DCHS2: variants seen among roughly 807,000 people sequenced by gnomAD.
DCHS2 encodes dachsous cadherin-related 2.
In DCHS2, 142 loss-of-function variants were observed where a neutral mutation model predicts 182.4. The observed-to-expected ratio is 0.78, with a 90% confidence interval of 0.68 to 0.89. The LOEUF is 0.89. Among genes scored for constraint, DCHS2 ranks in the 40% least tolerant of loss-of-function variants. The pLI is 0.00. For synonymous variants in DCHS2, 1,740 were observed against 1,663.3 expected, an observed-to-expected ratio of 1.05 and a Z score of -1.12; for missense variants, 4,319 against 4,198.6, an observed-to-expected ratio of 1.03 and a Z score of -0.79.
Position 154,240,725 on chromosome 4 carries a change from T to G in DCHS2, c.7171A>C (p.Thr2391Pro). ...FSFAKESNPGTKFAIDQNTGV... is the reference protein window; with the variant it reads ...FSFAKESNPGPKFAIDQNTGV... Reference sequence around the variant, plus strand: ...GTGTTCTGATCAATAGCAAACTTGGTTCCAGGATTACTCTCTTTGGCAAAA... The same window carrying G: ...GTGTTCTGATCAATAGCAAACTTGGGTCCAGGATTACTCTCTTTGGCAAAA... The change falls in exon 18 of 20, where the codon ACC (threonine) becomes CCC (proline). Residue 2391 changes from threonine (T) to proline (P), a missense_variant. Coordinates refer to ENST00000357232, the MANE Select transcript of DCHS2 (RefSeq NM_001358235.2). 1 of 1,613,976 alleles carries G rather than the reference T, an allele frequency of 6.2e-7. No homozygotes were observed. The highest frequency in any genetic ancestry group is 8.5e-7 in the Non-Finnish European group (1 of 1,179,916).
chr4:154,487,949 G>A (rs775703708), intron 1 of DCHS2, among the ~76,000 whole-genome samples: 1 of 152,172 alleles, frequency 6.6e-6, no homozygotes, highest in Non-Finnish European at 1.5e-5. Flanking sequence ...AGGCTGAGGC[G>A]GGAGTATCAT....
At position 154,322,519 on chromosome 4, in the gene DCHS2, GTTAA is replaced by G. The variant is rs1317170652; in HGVS notation, c.4019-35_4019-32del. The G allele has an allele frequency of 4.4e-5, 69 of 1,565,004 alleles. 1 individual carries two copies. In the Admixed American group the frequency reaches 7.3e-4, roughly 17 times the overall value. ...CACACAAGAAAATTAAGAAATGAAT[GTTAA>G]TTGACAATGCAGAAAACAGAAAATC... On this transcript the variant is annotated intron_variant, in intron 7 of 19. Transcript: ENST00000357232.
intron 2 of DCHS2, among the ~76,000 whole-genome samples, chr4:154,368,329 T>C (rs951871602): frequency 6.6e-6 from 1 of 152,146 alleles, no homozygotes; most frequent in African/African-American, 2.4e-5. Context: ...TTCCTCTTTC[T>C]TTTTTATTTC....
intron 1 of DCHS2, among the ~76,000 whole-genome samples, chr4:154,384,842 G>C (rs1489056227): frequency 6.6e-6 from 1 of 151,956 alleles, no homozygotes; most frequent in Admixed American, 6.6e-5. Flanking sequence ...CAGCCCTGCT[G>C]GATTGCAGAC....
intron 1 of DCHS2, among the ~76,000 whole-genome samples, chr4:154,454,748 A>T (rs1294687457): frequency 2.6e-5 from 4 of 152,176 alleles, no homozygotes. Context: ...CCAAGAGGAC[A>T]TCCTCTAAAG....
chr4:154,314,079 G>A (rs1371092946), intron 10 of DCHS2, among the ~76,000 whole-genome samples: 1 of 152,132 alleles, frequency 6.6e-6, no homozygotes, highest in Non-Finnish European at 1.5e-5. Flanking sequence ...ATTAAAGCAA[G>A]AGGAGCCTTT....
At chr4:154,343,778 T>C in intron 3 of DCHS2, 1 of 959,634 alleles carries the variant, frequency 1.0e-6, no homozygotes, top group Non-Finnish European at 1.4e-6. Context: ...TTTCTTATCA[T>C]TTTTCTGTTC....
chr4:154,270,013 C>G lies in DCHS2; in HGVS notation c.6464G>C (p.Gly2155Ala), dbSNP rs767235941. 6.3e-7 allele frequency: 1 copy of G among 1,591,038 alleles called. No individual in the cohort carries two copies. Among genetic ancestry groups the G allele is most frequent in the Non-Finnish European group, 8.5e-7 (1 of 1,173,402 alleles). The change falls in exon 14 of 20, where the codon GGT (glycine) becomes GCT (alanine). Residue 2155 changes from glycine (G) to alanine (A), a missense_variant and splice_region_variant. Coordinates refer to ENST00000357232, the MANE Select transcript of DCHS2 (RefSeq NM_001358235.2). The part of the protein sequence containing the change: ...KGLVTENCEA[G>A]TSIVTVKAFA... Reference sequence around the variant, plus strand: ...AGCTTTAACAGTCACAATAGAAGTACCTGTAAAAATTAGGTAAAAAAAGAA... The same window carrying G: ...AGCTTTAACAGTCACAATAGAAGTAGCTGTAAAAATTAGGTAAAAAAAGAA...
At chr4:154,463,018 A>G (rs1735076995) in intron 1 of DCHS2, among the ~76,000 whole-genome samples, 1 of 151,914 alleles carries the variant, frequency 6.6e-6, no homozygotes, top group Non-Finnish European at 1.5e-5. Flanking sequence ...ACTCTTCCCC[A>G]TACCAAATCC....
At chr4:154,478,787 C>T (rs1193505001) in intron 1 of DCHS2, among the ~76,000 whole-genome samples, 1 of 152,148 alleles carries the variant, frequency 6.6e-6, no homozygotes. Flanking sequence ...GGGGCTTTCA[C>T]AGGTGCCTGA....
chr4:154,462,124 T>C (rs1028453296), intron 1 of DCHS2, among the ~76,000 whole-genome samples: 2 of 152,200 alleles, frequency 1.3e-5, no homozygotes, highest in Non-Finnish European at 2.9e-5. Context: ...AACAAATATC[T>C]TTTATTATCC....
chr4:154,269,819 C>A (rs1222573036), intron 14 of DCHS2, 81 bp downstream of exon 14: 19 of 1,533,794 alleles, frequency 1.2e-5, no homozygotes, highest in Non-Finnish European at 1.7e-5. Context: ...TTAGCTCTAA[C>A]AATTTCTACT....
At position 154,489,405 on chromosome 4, in the gene DCHS2, T is replaced by G; in HGVS notation, c.1951A>C (p.Ile651Leu). ...PPLSATCLVS[I>L]TVDDVNDNEP... Reference sequence around the variant, plus strand: ...TTGTCATTCACATCATCTACGGTGATGCTCACCAGGCAGGTGGCAGAGAGT... The same window carrying G: ...TTGTCATTCACATCATCTACGGTGAGGCTCACCAGGCAGGTGGCAGAGAGT... Residue 651 changes from isoleucine to leucine, a missense_variant, in exon 1 of 20, where the codon ATC (isoleucine) becomes CTC (leucine). Ile to Leu is a conservative substitution (Grantham distance 5). Transcript: ENST00000357232. 11 of 1,551,744 alleles carry G rather than the reference T, an allele frequency of 7.1e-6. No individual in the cohort carries two copies. Among genetic ancestry groups the G allele is most frequent in the Non-Finnish European group, 8.7e-6 (10 of 1,147,000 alleles).
chr4:154,472,753 G>T (rs1033163088), intron 1 of DCHS2, among the ~76,000 whole-genome samples: 1 of 151,646 alleles, frequency 6.6e-6, no homozygotes, highest in Non-Finnish European at 1.5e-5. Flanking sequence ...ACCCCACCCT[G>T]CCCACAATAC....
At chr4:154,366,462 G>T in intron 2 of DCHS2, 21 bp from the exon 3 acceptor site, 4 of 1,553,410 alleles carry the variant, frequency 2.6e-6, no homozygotes, top group Non-Finnish European at 3.5e-6. Flanking sequence ...AATGAGTGGT[G>T]ATTACAAATG....
chr4:154,468,989 A>C (rs1165523505), intron 1 of DCHS2, among the ~76,000 whole-genome samples: 1 of 152,186 alleles, frequency 6.6e-6, no homozygotes, highest in Admixed American at 6.6e-5. Context: ...AATTGTGGTG[A>C]TCATTTCACA....
At chr4:154,299,606 GGGA>G (rs1735118954) in intron 12 of DCHS2, among the ~76,000 whole-genome samples, 1 of 152,156 alleles carries the variant, frequency 6.6e-6, no homozygotes, top group Admixed American at 6.5e-5. Context: ...GGTAGCTTTA[GGGA>G]GGAGGAGAGG....
chr4:154,265,026 C>T (rs976156759), intron 14 of DCHS2, among the ~76,000 whole-genome samples: 6 of 151,954 alleles, frequency 3.9e-5, no homozygotes, highest in African/African-American at 7.3e-5. Flanking sequence ...GTTAAAGTAA[C>T]GAGGCTAGCC....
intron 1 of DCHS2, among the ~76,000 whole-genome samples, chr4:154,421,628 C>CA (rs1409667367): frequency 6.6e-6 from 1 of 152,100 alleles, no homozygotes; most frequent in Non-Finnish European, 1.5e-5. Context: ...CTCCTGACCT[C>CA]AAAAAATCCA....
Sources: allele counts gnomAD v4.1 joint callset (sites outside exome capture counted in the v4.1 genomes callset), GRCh38; gene constraint gnomAD v4.1.1; transcripts MANE v1.5; gene names NCBI Gene and HGNC (gene_info 2026-07-23, HGNC 2026-07-21).